ZNF438: variants seen among roughly 807,000 people sequenced by gnomAD.
ZNF438 encodes the protein zinc finger protein 438.
A neutral mutation model predicts 38.0 loss-of-function variants in ZNF438; 25 were observed. The ratio of observed to expected loss-of-function variants is 0.66; its 90% CI spans 0.48 to 0.92. The LOEUF (loss-of-function observed/expected upper bound fraction) is 0.92. ZNF438 is among the 40% of genes least tolerant of loss of function. The pLI is 0.00. For synonymous variants in ZNF438, 372 were observed against 364.1 expected, an observed-to-expected ratio of 1.02 and a Z score of -0.25; for missense variants, 1,007 against 999.6, an observed-to-expected ratio of 1.01 and a Z score of -0.10.
intron 1 of ZNF438, among the ~76,000 whole-genome samples, chr10:31,005,071 A>G (rs142421749): frequency 1.3e-5 from 2 of 152,350 alleles, no homozygotes; most frequent in African/African-American, 4.8e-5. Flanking sequence ...GAAATTAAAA[A>G]TACAACTACC....
intron 3 of ZNF438, among the ~76,000 whole-genome samples, chr10:30,897,524 T>C (rs1194169934): frequency 6.6e-6 from 1 of 152,224 alleles, no homozygotes; most frequent in Non-Finnish European, 1.5e-5. Context: ...AGGAGATTCC[T>C]GACCTCCCTT....
chr10:31,032,046 G>T (rs1005255242), upstream of ZNF438: 5 of 152,228 alleles, frequency 3.3e-5, no homozygotes, highest in Admixed American at 2.6e-4. Flanking sequence ...CGGCCTCTGC[G>T]CCCGCATGCC....
chr10:30,994,850 G>T (rs2053884994), intron 1 of ZNF438, among the ~76,000 whole-genome samples: 1 of 152,094 alleles, frequency 6.6e-6, no homozygotes, highest in African/African-American at 2.4e-5. Flanking sequence ...AGGAAACATG[G>T]TGAGACCCTG....
intron 1 of ZNF438, among the ~76,000 whole-genome samples, chr10:30,951,684 A>G (rs2135800602): frequency 6.6e-6 from 1 of 152,094 alleles, no homozygotes; most frequent in East Asian, 1.9e-4. Context: ...TAGGAATCCA[A>G]CTTACAAGGG....
At chr10:30,845,180 G>A in exon 6 of ZNF438, 1 of 1,614,190 alleles carries the variant, frequency 6.2e-7, no homozygotes, top group South Asian at 1.1e-5. Flanking sequence ...GGCCCTGGCA[G>A]GTTTCCCTTG....
intron 1 of ZNF438, among the ~76,000 whole-genome samples, chr10:31,027,169 C>G (rs1264557791): frequency 6.6e-6 from 1 of 151,892 alleles, no homozygotes; most frequent in East Asian, 1.9e-4. Context: ...TGCAGCACAC[C>G]AACATGGGAC....
Position 30,990,488 on chromosome 10 carries a change from A to G in ZNF438, c.-192+41345T>C, listed in dbSNP as rs559450649. ...TACAAACCCTCAGGTCCAACCTCCAATCTCCTGAATCAGAAGGTTTGGGCA... is the reference window on the plus strand; with the variant it reads ...TACAAACCCTCAGGTCCAACCTCCAGTCTCCTGAATCAGAAGGTTTGGGCA... On this transcript the variant is annotated intron_variant, in intron 1 of 5. Coordinates refer to ENST00000413025, the Ensembl canonical transcript of ZNF438. Among the ~76,000 whole-genome samples, 4 of 152,288 alleles carry G rather than the reference A, an allele frequency of 2.6e-5. No homozygotes were observed. In the East Asian group the frequency reaches 5.8e-4, roughly 22 times the overall value.
chr10:30,925,090 T>A lies in ZNF438; in HGVS notation c.-114-16075A>T, dbSNP rs542808936. Among the ~76,000 whole-genome samples, 6 of 152,296 alleles carry A rather than the reference T, an allele frequency of 3.9e-5. No homozygotes were observed. The South Asian group carries it at 1.2e-3, about 32-fold the overall frequency. ...TAATTTTAAGAATTTAGCTGTTGAG[T>A]CCTAGGAGCTTTCTATATAGACAAT... On this transcript the variant is annotated intron_variant, in intron 2 of 5. Transcript: ENST00000413025.
At chr10:30,945,039 C>A (rs1052119144) in intron 1 of ZNF438, among the ~76,000 whole-genome samples, 2 of 148,686 alleles carry the variant, frequency 1.3e-5, no homozygotes, top group African/African-American at 4.9e-5. Context: ...TTACAGTACT[C>A]TTCCAGATTT....
chr10:30,865,042 C>T (rs2036199198), intron 4 of ZNF438, among the ~76,000 whole-genome samples: 1 of 152,220 alleles, frequency 6.6e-6, no homozygotes, highest in Non-Finnish European at 1.5e-5. Context: ...GCTGTTCTCC[C>T]TCCATTCCAA....
intron 1 of ZNF438, among the ~76,000 whole-genome samples, chr10:30,963,065 A>G (rs977523660): frequency 2.6e-5 from 4 of 152,224 alleles, no homozygotes; most frequent in Non-Finnish European, 5.9e-5. Flanking sequence ...GGACTAAAAT[A>G]GTTTGTAATA....
chr10:30,971,738 T>A (rs1203664009), intron 1 of ZNF438, among the ~76,000 whole-genome samples: 6 of 152,158 alleles, frequency 3.9e-5, no homozygotes, highest in Non-Finnish European at 7.3e-5. Context: ...ACTGCTTTAA[T>A]CTTCTTTATG....
At position 31,015,143 on chromosome 10, in the gene ZNF438, C is replaced by T. The variant is rs192190960; in HGVS notation, c.-192+16690G>A. ...TCGGCTTCCGAAAGTGCTGAGATTA[C>T]AGGCGTGAGCTACCATACCCAGTCT... is the stretch of plus-strand genomic sequence containing the variant. On this transcript the variant is annotated intron_variant, in intron 1 of 5. Coordinates refer to ENST00000413025, the Ensembl canonical transcript of ZNF438. 2.2e-3 allele frequency among the ~76,000 whole-genome samples: 338 copies of T among 152,290 alleles called. 2 individuals are homozygous for T. Among genetic ancestry groups the T allele is most frequent in the African/African-American group, 8.0e-3 (333 of 41,562 alleles).
chr10:30,976,590 A>C (rs1303530275), intron 1 of ZNF438, among the ~76,000 whole-genome samples: 1 of 152,152 alleles, frequency 6.6e-6, no homozygotes, highest in Non-Finnish European at 1.5e-5. Context: ...AAAAATTAAA[A>C]GGAAAAATTA....
At position 30,880,063 on chromosome 10, in the gene ZNF438, C is replaced by T. The variant is rs180750282; in HGVS notation, c.-31-2998G>A. On this transcript the variant is annotated intron_variant, in intron 3 of 5. Coordinates refer to ENST00000413025, the Ensembl canonical transcript of ZNF438. ...GTGAAAAAAAAAAGTTTTTAAAGCACCCAGAGAAAAAGACACATTGCATAT... is the reference window on the plus strand; with the variant it reads ...GTGAAAAAAAAAAGTTTTTAAAGCATCCAGAGAAAAAGACACATTGCATAT... 1.8e-4 allele frequency among the ~76,000 whole-genome samples: 28 copies of T among 151,926 alleles called. No homozygotes were observed. In the East Asian group the frequency reaches 5.2e-3, roughly 28 times the overall value.
intron 1 of ZNF438, among the ~76,000 whole-genome samples, chr10:31,001,737 AC>A (rs1349546021): frequency 3.9e-5 from 6 of 152,122 alleles, no homozygotes; most frequent in Non-Finnish European, 8.8e-5. Context: ...TTATTCCATC[AC>A]CCTAACATAT....
At chr10:30,931,068 T>C (rs2045638542) in intron 2 of ZNF438, among the ~76,000 whole-genome samples, 1 of 151,942 alleles carries the variant, frequency 6.6e-6, no homozygotes. Context: ...GCCCACCAGT[T>C]TACCCCATTC....
exon 6 of ZNF438, chr10:30,845,537 T>C (rs1324086196): frequency 1.2e-6 from 2 of 1,613,304 alleles, no homozygotes; most frequent in African/African-American, 2.7e-5. Context: ...CTGCCTGGTT[T>C]AGAAGGAAGT....
intron 2 of ZNF438, among the ~76,000 whole-genome samples, chr10:30,937,678 A>G (rs532229512): frequency 6.6e-6 from 1 of 152,364 alleles, no homozygotes; most frequent in South Asian, 2.1e-4. Context: ...AAAACAGATC[A>G]TGCTGAGGTC....
Sources: allele counts gnomAD v4.1 joint callset (sites outside exome capture counted in the v4.1 genomes callset), GRCh38; gene constraint gnomAD v4.1.1; transcripts MANE v1.5; gene names NCBI Gene and HGNC (gene_info 2026-07-23, HGNC 2026-07-21).